The following DNER variants were observed in gnomAD, a reference collection of about 807,000 sequenced individuals.
DNER encodes the protein delta/notch like EGF repeat containing.
DNER carries 33 observed loss-of-function variants against 78.2 expected under a neutral mutation model. The ratio of observed to expected loss-of-function variants is 0.42; its 90% CI spans 0.32 to 0.56. The LOEUF (loss-of-function observed/expected upper bound fraction) is 0.56. Ranked by LOEUF, DNER falls within the 20% of genes least tolerant of loss-of-function variation. DNER has a pLI of 0.11. For missense variants in DNER, 918 were observed against 975.3 expected (o/e 0.94, Z 0.78); for synonymous variants, 417 against 384.8 (o/e 1.08, Z -0.98).
At chr2:229,566,812 G>A (rs1205452459) in intron 4 of DNER, among the ~76,000 whole-genome samples, 2 of 152,188 alleles carry the variant, frequency 1.3e-5, no homozygotes, top group Non-Finnish European at 2.9e-5. Flanking sequence ...GCCAGGTATG[G>A]AAGCTATTGA....
intron 1 of DNER, among the ~76,000 whole-genome samples, chr2:229,602,651 AT>A (rs1697852737): frequency 6.6e-6 from 1 of 152,250 alleles, no homozygotes. Context: ...AATATTTTGC[AT>A]CTCCATGTAT....
chr2:229,399,236 C>G (rs995621318), intron 10 of DNER, among the ~76,000 whole-genome samples: 2 of 150,958 alleles, frequency 1.3e-5, no homozygotes, highest in Non-Finnish European at 3.0e-5. Context: ...TTTAAACATA[C>G]AAAAATCAAT....
intron 4 of DNER, among the ~76,000 whole-genome samples, chr2:229,556,845 G>T (rs1324264344): frequency 6.6e-6 from 1 of 152,144 alleles, no homozygotes; most frequent in Non-Finnish European, 1.5e-5. Flanking sequence ...CCCTAAAGTG[G>T]ATCAATAGGA....
At chr2:229,509,752 T>C (rs1695825803) in intron 6 of DNER, among the ~76,000 whole-genome samples, 1 of 152,028 alleles carries the variant, frequency 6.6e-6, no homozygotes, top group South Asian at 2.1e-4. Context: ...AAGACAGAGG[T>C]TGCAGTGAGC....
intron 8 of DNER, among the ~76,000 whole-genome samples, chr2:229,445,804 C>T (rs531491340): frequency 2.8e-4 from 42 of 152,260 alleles, no homozygotes; most frequent in African/African-American, 8.9e-4. Context: ...CCTGTTTCTC[C>T]GGAGAATCCT....
chr2:229,702,781 G>C (rs1018475016), intron 1 of DNER, among the ~76,000 whole-genome samples: 7 of 151,906 alleles, frequency 4.6e-5, no homozygotes, highest in Admixed American at 3.9e-4. Flanking sequence ...GCCGGGCGTG[G>C]TGGCGGGCGC....
intron 5 of DNER, among the ~76,000 whole-genome samples, chr2:229,532,855 G>T (rs1696331130): frequency 6.6e-6 from 1 of 152,198 alleles, no homozygotes; most frequent in South Asian, 2.1e-4. Flanking sequence ...CCCCCTGTGG[G>T]CTGCTGGCAG....
At chr2:229,585,777 TTC>T in intron 4 of DNER, 79 bp downstream of exon 4, 1 of 1,493,972 alleles carries the variant, frequency 6.7e-7, no homozygotes, top group Non-Finnish European at 9.2e-7. Context: ...CTGAGCAAAA[TTC>T]CCTACCTACT....
At chr2:229,536,517 C>G (rs1696408792) in intron 5 of DNER, among the ~76,000 whole-genome samples, 1 of 152,196 alleles carries the variant, frequency 6.6e-6, no homozygotes, top group Non-Finnish European at 1.5e-5. Flanking sequence ...GTGCCCACCC[C>G]AGGCACAGCC....
intron 1 of DNER, among the ~76,000 whole-genome samples, chr2:229,672,121 A>AT (rs1699218627): frequency 6.6e-6 from 1 of 152,166 alleles, no homozygotes; most frequent in Non-Finnish European, 1.5e-5. Context: ...TTTGCCCGTG[A>AT]ATCTGTAATC....
rs962096386 is a variant in DNER at position 229,644,484 on chromosome 2, C to T, written c.277-52596G>A. Among the ~76,000 whole-genome samples the T allele has an allele frequency of 8.6e-5, 13 of 151,976 alleles. No individual in the cohort carries two copies. The East Asian group carries it at 1.7e-3, about 20-fold the overall frequency. On this transcript the variant is annotated intron_variant, in intron 1 of 12. Transcript: ENST00000341772. Reference sequence around the variant, plus strand: ...TCAGCCTCCTGTAATCCCAGCTACGCGGAAGGCACCTACCACCACGCCAAG... The same window carrying T: ...TCAGCCTCCTGTAATCCCAGCTACGTGGAAGGCACCTACCACCACGCCAAG...
intron 1 of DNER, among the ~76,000 whole-genome samples, chr2:229,599,038 G>T (rs372394032): frequency 6.6e-6 from 1 of 152,264 alleles, no homozygotes; most frequent in African/African-American, 2.4e-5. Context: ...GAATGGGACG[G>T]TGCTTGAGGA....
chr2:229,708,510 T>G (rs987519480), intron 1 of DNER, among the ~76,000 whole-genome samples: 1 of 152,176 alleles, frequency 6.6e-6, no homozygotes, highest in Non-Finnish European at 1.5e-5. Context: ...GTTTTCTGTT[T>G]GGTGGGGGCA....
intron 12 of DNER, among the ~76,000 whole-genome samples, chr2:229,359,479 G>A (rs996278759): frequency 3.9e-5 from 6 of 152,154 alleles, no homozygotes; most frequent in African/African-American, 1.4e-4. Flanking sequence ...AAGCCCTGGA[G>A]TGCAACAGGA....
At chr2:229,596,122 C>T (rs1460375315) in intron 1 of DNER, among the ~76,000 whole-genome samples, 7 of 152,036 alleles carry the variant, frequency 4.6e-5, no homozygotes, top group South Asian at 2.1e-4. Context: ...ACTTGTGTAT[C>T]CACAGCCCTA....
intron 1 of DNER, among the ~76,000 whole-genome samples, chr2:229,684,461 T>C (rs1699451181): frequency 1.3e-5 from 2 of 152,032 alleles, no homozygotes; most frequent in African/African-American, 4.8e-5. Context: ...CCTGGACAAT[T>C]GCACCCACTC....
chr2:229,436,788 CT>C lies in DNER; in HGVS notation c.1486+10527del, dbSNP rs1185977633. 3.3e-5 allele frequency among the ~76,000 whole-genome samples: 5 copies of C among 152,250 alleles called. No homozygotes were observed. The South Asian group carries it at 8.3e-4, about 25-fold the overall frequency. The stretch of plus-strand genomic sequence containing the variant: ...CACCAGACCTGCTTTACAAGAGGTC[CT>C]GAAGGAAGTGCTAAATATGGAAAGG... On this transcript the variant is annotated intron_variant, in intron 8 of 12. Coordinates refer to ENST00000341772, the MANE Select transcript of DNER (RefSeq NM_139072.4).
At chr2:229,653,036 G>A (rs915379900) in intron 1 of DNER, among the ~76,000 whole-genome samples, 2 of 152,174 alleles carry the variant, frequency 1.3e-5, no homozygotes, top group African/African-American at 2.4e-5. Flanking sequence ...ATGCCAGCAT[G>A]CTAATTTGGA....
chr2:229,518,953 CTT>C (rs11441895), intron 5 of DNER, among the ~76,000 whole-genome samples: 6 of 145,342 alleles, frequency 4.1e-5, no homozygotes, highest in Non-Finnish European at 7.6e-5. Flanking sequence ...TGCGATTACT[CTT>C]TTTTTTTTTT....
Sources: gnomAD v4.1 joint callset for allele counts (sites outside exome capture counted in the v4.1 genomes callset) on GRCh38, gnomAD v4.1.1 for gene constraint, MANE v1.5 for transcripts, NCBI Gene and HGNC (gene_info 2026-07-23, HGNC 2026-07-21) for gene names.